Variants in CHRNA7 observed in about 807,000 individuals in gnomAD.
CHRNA7 encodes neuronal acetylcholine receptor subunit alpha-7.
A neutral mutation model predicts 48.0 loss-of-function variants in CHRNA7; 17 were observed. The ratio of observed to expected loss-of-function variants is 0.35; its 90% CI spans 0.24 to 0.53. The LOEUF is 0.53. CHRNA7 is among the 20% of genes least tolerant of loss of function. The pLI, the probability that CHRNA7 is intolerant of heterozygous loss-of-function variation, is 0.92. For synonymous variants in CHRNA7, 75 were observed against 242.3 expected (o/e 0.31, Z 6.41); for missense variants, 155 against 577.7 (o/e 0.27, Z 7.50).
intron 2 of CHRNA7, 65 bp downstream of exon 2, chr15:32,031,102 A>T: frequency 6.3e-7 from 1 of 1,595,906 alleles, no homozygotes; most frequent in Non-Finnish European, 8.5e-7. Flanking sequence ...CTTTTTAGAC[A>T]GCGTCGGGCG....
chr15:32,114,049 T>TACACAC (rs1566848901), intron 4 of CHRNA7, among the ~76,000 whole-genome samples: 2 of 54,616 alleles, frequency 3.7e-5, no homozygotes, highest in Admixed American at 6.8e-4. Context: ...TATATGTATA[T>TACACAC]ATATATATAT....
chr15:32,103,976 G>A (rs1256752175), intron 3 of CHRNA7, among the ~76,000 whole-genome samples: 2 of 152,108 alleles, frequency 1.3e-5, no homozygotes, highest in African/African-American at 4.8e-5. Context: ...GTCTACATGG[G>A]TGTCATCTCT....
intron 2 of CHRNA7, among the ~76,000 whole-genome samples, chr15:32,071,395 T>C (rs1261328499): frequency 2.0e-5 from 3 of 152,260 alleles, no homozygotes; most frequent in Non-Finnish European, 4.4e-5. Flanking sequence ...TATTTCAGTT[T>C]GTGAATATGT....
chr15:32,166,412 C>T (rs1371785326), intron 9 of CHRNA7: 3 of 152,252 alleles, frequency 2.0e-5, no homozygotes, highest in Non-Finnish European at 2.9e-5. Flanking sequence ...AGAGTGCCGC[C>T]TGCTTGTAAA....
At chr15:32,091,187 T>C (rs1445854806) in intron 2 of CHRNA7, among the ~76,000 whole-genome samples, 1 of 152,230 alleles carries the variant, frequency 6.6e-6, no homozygotes, top group Non-Finnish European at 1.5e-5. Context: ...TTCAGTATTA[T>C]CCCTCTGATA....
intron 2 of CHRNA7, among the ~76,000 whole-genome samples, chr15:32,049,323 G>T (rs1482655799): frequency 2.0e-5 from 3 of 151,840 alleles, no homozygotes; most frequent in Admixed American, 6.6e-5. Flanking sequence ...TATGAATCTG[G>T]GTGCTCCTGT....
At chr15:32,093,387 T>C (rs1346057472) in intron 2 of CHRNA7, among the ~76,000 whole-genome samples, 1 of 152,212 alleles carries the variant, frequency 6.6e-6, no homozygotes, top group African/African-American at 2.4e-5. Context: ...AAGTGCATGC[T>C]TGAACTCTTC....
At chr15:32,034,753 T>G (rs184701158) in intron 2 of CHRNA7, among the ~76,000 whole-genome samples, 6 of 152,318 alleles carry the variant, frequency 3.9e-5, no homozygotes, top group Admixed American at 2.6e-4. Context: ...AAACTTTGCA[T>G]ACATTTTAGA....
intron 3 of CHRNA7, 166 bp downstream of exon 3, chr15:32,101,513 G>C (rs779755912): frequency 1.5e-6 from 1 of 688,036 alleles, no homozygotes; most frequent in Non-Finnish European, 2.5e-6. Flanking sequence ...TGCCAACAAT[G>C]AATGCTGGCT....
At chr15:32,133,484 G>A (rs891855394) in intron 4 of CHRNA7, among the ~76,000 whole-genome samples, 3 of 152,186 alleles carry the variant, frequency 2.0e-5, no homozygotes, top group Non-Finnish European at 2.9e-5. Context: ...ACCCAAGAAG[G>A]CGGGAGTAAA....
intron 2 of CHRNA7, among the ~76,000 whole-genome samples, chr15:32,083,465 CA>C (rs199592459): frequency 0.011 from 1,709 of 152,216 alleles, 41 homozygotes; most frequent in African/African-American, 0.039. Context: ...TACAGCAACA[CA>C]AAACAGACCA....
chr15:32,075,985 C>T (rs1267580187), intron 2 of CHRNA7, among the ~76,000 whole-genome samples: 1 of 151,886 alleles, frequency 6.6e-6, no homozygotes, highest in Non-Finnish European at 1.5e-5. Context: ...AATATTTTAG[C>T]CTTTGGATAT....
intron 2 of CHRNA7, among the ~76,000 whole-genome samples, chr15:32,067,932 C>T (rs1051096699): frequency 1.3e-5 from 2 of 152,254 alleles, no homozygotes; most frequent in Middle Eastern, 3.4e-3. Context: ...TGGAGAACAT[C>T]TGCTTAACAA....
chr15:32,063,874 A>G (rs1253254234), intron 2 of CHRNA7, among the ~76,000 whole-genome samples: 1 of 152,224 alleles, frequency 6.6e-6, no homozygotes, highest in Non-Finnish European at 1.5e-5. Flanking sequence ...ATAGCTATCA[A>G]CTAGAGAATT....
intron 2 of CHRNA7, among the ~76,000 whole-genome samples, chr15:32,093,757 A>G (rs554792344): frequency 2.0e-5 from 3 of 152,306 alleles, no homozygotes; most frequent in African/African-American, 7.2e-5. Context: ...TCAAGGAATC[A>G]CATGCTGACC....
chr15:32,114,037 T>TGTATATATATATATACAC (rs1314170973), intron 4 of CHRNA7, among the ~76,000 whole-genome samples: 10 of 69,708 alleles, frequency 1.4e-4, no homozygotes, highest in African/African-American at 5.0e-4. Context: ...TATATATATA[T>TGTATATATATATATACAC]ATATATGTAT....
At chr15:32,115,371 G>A (rs1051251878) in intron 4 of CHRNA7, among the ~76,000 whole-genome samples, 1 of 152,178 alleles carries the variant, frequency 6.6e-6, no homozygotes, top group Non-Finnish European at 1.5e-5. Flanking sequence ...AGGAGAAGCA[G>A]GCAGGAGGAG....
At chr15:32,048,664 T>A (rs1294113937) in intron 2 of CHRNA7, among the ~76,000 whole-genome samples, 1 of 152,026 alleles carries the variant, frequency 6.6e-6, no homozygotes, top group African/African-American at 2.4e-5. Context: ...TGTGTCTCTA[T>A]TTCCTTCAGT....
intron 2 of CHRNA7, among the ~76,000 whole-genome samples, chr15:32,096,106 A>G (rs1045856161): frequency 2.6e-5 from 4 of 152,250 alleles, no homozygotes; most frequent in Admixed American, 6.5e-5. Flanking sequence ...GGGGTCTCCC[A>G]TAATCTCCAT....
Sources: allele counts gnomAD v4.1 joint callset (sites outside exome capture counted in the v4.1 genomes callset), GRCh38; gene constraint gnomAD v4.1.1; transcripts MANE v1.5; gene names NCBI Gene and HGNC (gene_info 2026-07-23, HGNC 2026-07-21).